The following PPP2R2C variants were observed in gnomAD, a reference collection of about 807,000 sequenced individuals.
PPP2R2C encodes protein phosphatase 2, regulatory subunit B, gamma.
In PPP2R2C, 10 loss-of-function variants were observed where a neutral mutation model predicts 45.3. The ratio of observed to expected loss-of-function variants is 0.22; its 90% CI spans 0.14 to 0.37. The LOEUF is 0.37. PPP2R2C is among the 10% of genes least tolerant of loss of function. The pLI, the probability that PPP2R2C is intolerant of heterozygous loss-of-function variation, is 1.00. For synonymous variants in PPP2R2C, 257 were observed against 245.4 expected, an observed-to-expected ratio of 1.05 and a Z score of -0.44; for missense variants, 308 against 619.7, an observed-to-expected ratio of 0.50 and a Z score of 5.34.
rs1725634851 is a variant in PPP2R2C, at chr4:6,563,096, A to C, written c.-59+464T>G. ...CGCGGCCGGGACTGAACTCCGCCGC[A>C]TTGGGTCTTACCCCGGACTCCGAGC... On this transcript the variant is annotated intron_variant, in intron 1 of 9. Transcript: ENST00000506140. The surrounding 1 kb of genome is among the most constrained non-coding windows in gnomAD (Gnocchi z 5.8). 6.6e-6 allele frequency among the ~76,000 whole-genome samples: 1 copy of C among 152,064 alleles called. No homozygotes were observed. Among genetic ancestry groups the C allele is most frequent in the African/African-American group, 2.4e-5 (1 of 41,396 alleles).
intron 1 of PPP2R2C, among the ~76,000 whole-genome samples, chr4:6,463,774 T>C (rs1263866966): frequency 6.6e-6 from 1 of 152,228 alleles, no homozygotes; most frequent in Non-Finnish European, 1.5e-5. Context: ...TGCCCTTCAG[T>C]CCCTGGACCA....
Position 6,375,812 on chromosome 4 carries a change from A to G in PPP2R2C, c.447+7T>C. 1 of 1,601,554 alleles carries G rather than the reference A, an allele frequency of 6.2e-7. No individual in the cohort carries two copies. The highest frequency in any genetic ancestry group is 8.5e-7 in the Non-Finnish European group (1 of 1,172,390). On this transcript the variant is annotated splice_region_variant and intron_variant, in intron 4 of 8. Coordinates refer to ENST00000382599, the MANE Select transcript of PPP2R2C (RefSeq NM_020416.4). The stretch of plus-strand genomic sequence containing the variant: ...CGTGTGCCTGCTTCCCCCTCACCGG[A>G]GCTCACCTGCAGTGACGTCACCGTG...
intron 2 of PPP2R2C, among the ~76,000 whole-genome samples, chr4:6,505,495 G>C (rs1032436503): frequency 1.1e-4 from 16 of 152,218 alleles, no homozygotes; most frequent in Non-Finnish European, 1.5e-5. Flanking sequence ...AAAGGATGAA[G>C]GAGGAAGTAC....
intron 4 of PPP2R2C, 53 bp from the exon 5 acceptor site, chr4:6,372,753 G>A: frequency 6.4e-7 from 1 of 1,557,882 alleles, no homozygotes; most frequent in South Asian, 1.1e-5. Flanking sequence ...GTGGCATCAG[G>A]ACATAGCATG....
At chr4:6,562,647 C>G (rs1725617697) in intron 1 of PPP2R2C, among the ~76,000 whole-genome samples, 1 of 152,134 alleles carries the variant, frequency 6.6e-6, no homozygotes, top group Admixed American at 6.5e-5. Flanking sequence ...CTCACCAGTA[C>G]CCCCCATAGG....
intron 2 of PPP2R2C, among the ~76,000 whole-genome samples, chr4:6,489,410 G>T (rs1309154637): frequency 1.3e-5 from 2 of 152,058 alleles, no homozygotes; most frequent in African/African-American, 4.8e-5. Flanking sequence ...TAAGTGGCAG[G>T]TACCTCCTAT....
intron 1 of PPP2R2C, among the ~76,000 whole-genome samples, chr4:6,542,446 C>T (rs899242214): frequency 1.3e-5 from 2 of 152,200 alleles, no homozygotes; most frequent in Admixed American, 1.3e-4. Flanking sequence ...TGTATCCCAG[C>T]ACTGTGGGAG....
At chr4:6,415,927 T>C (rs960973364) in intron 1 of PPP2R2C, among the ~76,000 whole-genome samples, 11 of 152,194 alleles carry the variant, frequency 7.2e-5, no homozygotes, top group African/African-American at 2.7e-4. Flanking sequence ...GAAGTTTCTC[T>C]CAACTGGTCC....
upstream of PPP2R2C, among the ~76,000 whole-genome samples, chr4:6,476,165 G>T (rs1560575408): frequency 6.6e-6 from 1 of 152,156 alleles, no homozygotes; most frequent in Non-Finnish European, 1.5e-5. Flanking sequence ...CAAGCCGACT[G>T]CACAAAAGTT....
intron 1 of PPP2R2C, among the ~76,000 whole-genome samples, chr4:6,551,603 C>T (rs1300362885): frequency 1.3e-5 from 2 of 152,234 alleles, no homozygotes; most frequent in African/African-American, 4.8e-5. Context: ...CACACAACTG[C>T]CATCTTGTTC....
At chr4:6,348,765 A>C (rs1577091486) in intron 5 of PPP2R2C, 1 of 898,210 alleles carries the variant, frequency 1.1e-6, no homozygotes, top group African/African-American at 1.8e-5. Flanking sequence ...TGGGGCAGAC[A>C]GTGGAAAGAG....
intron 1 of PPP2R2C, among the ~76,000 whole-genome samples, chr4:6,450,905 C>G (rs954979573): frequency 6.6e-6 from 1 of 152,178 alleles, no homozygotes; most frequent in Non-Finnish European, 1.5e-5. Flanking sequence ...TCCCACACCT[C>G]CATCGGCGGA....
At chr4:6,463,404 G>A (rs1407308273) in intron 1 of PPP2R2C, among the ~76,000 whole-genome samples, 1 of 152,242 alleles carries the variant, frequency 6.6e-6, no homozygotes, top group African/African-American at 2.4e-5. Flanking sequence ...CCTGGAGGAG[G>A]CCCTTGGCCT....
intron 2 of PPP2R2C, among the ~76,000 whole-genome samples, chr4:6,495,824 T>C (rs1483457735): frequency 2.6e-5 from 4 of 152,226 alleles, no homozygotes; most frequent in African/African-American, 7.2e-5. Flanking sequence ...GCTGCCATTA[T>C]AAATTACCAC....
At chr4:6,531,084 A>G (rs10937740) in intron 2 of PPP2R2C, among the ~76,000 whole-genome samples, 129,228 of 152,260 alleles carry the variant, frequency 0.85, 55,814 homozygotes, top group Non-Finnish European at 0.93. Flanking sequence ...TCCTGGGGCC[A>G]GGAGCTGTGC....
intron 1 of PPP2R2C, among the ~76,000 whole-genome samples, chr4:6,404,104 T>C (rs913080951): frequency 6.6e-6 from 1 of 151,904 alleles, no homozygotes; most frequent in African/African-American, 2.4e-5. Context: ...ACCAGGAGAG[T>C]TGATGTCCCA....
rs1037397623 is a variant in PPP2R2C at position 6,373,712 on chromosome 4, G to A, written c.448-1012C>T. Among the ~76,000 whole-genome samples, 6 of 152,218 alleles carry A rather than the reference G, an allele frequency of 3.9e-5. 1 individual carries two copies. Among genetic ancestry groups the A allele is most frequent in the South Asian group, 4.1e-4 (2 of 4,834 alleles). On this transcript the variant is annotated intron_variant, in intron 4 of 8. Coordinates refer to ENST00000382599, the MANE Select transcript of PPP2R2C (RefSeq NM_020416.4). Reference sequence around the variant, plus strand: ...AGGTGACAGCCTCGGTGCTGCAGTCGGAGTGACAAGCACTGAGCTCCTTTG... The same window carrying A: ...AGGTGACAGCCTCGGTGCTGCAGTCAGAGTGACAAGCACTGAGCTCCTTTG...
intron 1 of PPP2R2C, among the ~76,000 whole-genome samples, chr4:6,408,372 G>A (rs1717938997): frequency 6.6e-6 from 1 of 152,162 alleles, no homozygotes; most frequent in Non-Finnish European, 1.5e-5. Flanking sequence ...TTCACTGCAT[G>A]ATCACATCCC....
At chr4:6,335,561 C>A (rs1323220365) in intron 6 of PPP2R2C, among the ~76,000 whole-genome samples, 1 of 152,056 alleles carries the variant, frequency 6.6e-6, no homozygotes, top group East Asian at 1.9e-4. Flanking sequence ...GAAACGGGAG[C>A]CACTGAGGGT....
Sources: allele counts gnomAD v4.1 joint callset (sites outside exome capture counted in the v4.1 genomes callset), GRCh38; gene constraint gnomAD v4.1.1; non-coding constraint Gnocchi (gnomAD v3.1); transcripts MANE v1.5; gene names NCBI Gene and HGNC (gene_info 2026-07-23, HGNC 2026-07-21).